The following BID variants were observed in gnomAD, a reference collection of about 807,000 sequenced individuals.
The protein encoded by BID is BH3 interacting domain death agonist, also known as BH3-interacting domain death agonist.
Under a neutral mutation model 17.4 loss-of-function variants are expected in BID, and 19 were observed. That is an observed-to-expected ratio of 1.09 (90% CI 0.76 to 1.60). The LOEUF (loss-of-function observed/expected upper bound fraction) is 1.60, where lower values mean the gene tolerates loss of function less well. Among genes scored for constraint, BID ranks in the 40% most tolerant of loss-of-function variants. The probability of loss-of-function intolerance (pLI) is 0.00; values close to 1 mark genes in which losing one functional copy is unlikely to be tolerated. For missense variants in BID, 226 were observed against 256.0 expected (o/e 0.88, Z 0.80); for synonymous variants, 108 against 102.8 (o/e 1.05, Z -0.31).
At chr22:17,744,417 G>C (rs1307260397) in intron 2 of BID, among the ~76,000 whole-genome samples, 1 of 152,258 alleles carries the variant, frequency 6.6e-6, no homozygotes, top group Non-Finnish European at 1.5e-5. Context: ...GCAGGCTTCA[G>C]CAATCTGAGC....
chr22:17,741,469 CT>C lies in BID; in HGVS notation c.224-1982del, dbSNP rs3831843. ...AGGCAAACTCAACTACTCACTGTAG[CT>C]TTTTTTTTTCTTTTTTTTTTCAAGA... On this transcript the variant is annotated intron_variant, in intron 3 of 5. Transcript: ENST00000622694. Among the ~76,000 whole-genome samples the C allele has an allele frequency of 6.8e-4, 100 of 147,802 alleles. 1 individual carries two copies. The highest frequency in any genetic ancestry group is 2.2e-3 in the African/African-American group (85 of 39,450).
At chr22:17,746,656 T>A (rs1453462803) in intron 2 of BID, among the ~76,000 whole-genome samples, 4 of 152,180 alleles carry the variant, frequency 2.6e-5, no homozygotes, top group Admixed American at 1.3e-4. Flanking sequence ...GTAATCAAGT[T>A]AAGATGAGGT....
At chr22:17,740,378 G>A in intron 3 of BID, 1 of 568,734 alleles carries the variant, frequency 1.8e-6, no homozygotes, top group Non-Finnish European at 3.2e-6. Context: ...GTTAGAGGAT[G>A]CAGTGAGCCG....
chr22:17,743,342 C>T (rs1230934310), intron 3 of BID, among the ~76,000 whole-genome samples: 1 of 152,174 alleles, frequency 6.6e-6, no homozygotes, highest in African/African-American at 2.4e-5. Flanking sequence ...AATGCCCAGA[C>T]CAACCAATCA....
intron 1 of BID, among the ~76,000 whole-genome samples, chr22:17,770,450 C>T (rs1450959678): frequency 1.3e-5 from 2 of 152,176 alleles, no homozygotes; most frequent in African/African-American, 4.8e-5. Flanking sequence ...AGCAGAAGCT[C>T]CTGGAACACC....
At chr22:17,771,248 C>G (rs2061717729) in intron 1 of BID, among the ~76,000 whole-genome samples, 1 of 152,186 alleles carries the variant, frequency 6.6e-6, no homozygotes, top group Non-Finnish European at 1.5e-5. Context: ...TATGGGCGCC[C>G]CCCACCACGC....
intron 1 of BID, among the ~76,000 whole-genome samples, chr22:17,772,846 C>G (rs2061731079): frequency 6.6e-6 from 1 of 151,098 alleles, no homozygotes; most frequent in Admixed American, 6.6e-5. Context: ...CCCCTAGAAT[C>G]CCCCATACCA....
At chr22:17,749,464 G>A (rs533162478) in intron 2 of BID, among the ~76,000 whole-genome samples, 2 of 152,286 alleles carry the variant, frequency 1.3e-5, no homozygotes, top group African/African-American at 4.8e-5. Flanking sequence ...ATGTGCCTAA[G>A]CCACCTCGCC....
Position 17,738,103 on chromosome 22 carries a change from G to T in BID, c.490C>A (p.Pro164Thr). ...LLAKKVASHTPSLLRDVFHTT... is the reference protein window; with the variant it reads ...LLAKKVASHTTSLLRDVFHTT... ...TGAAAGACATCACGGAGCAAGGACG[G>T]CGTGTGACTGGCCACCTTCTTGGCC... is the stretch of plus-strand genomic sequence containing the variant. Residue 164 changes from proline to threonine, a missense_variant, in exon 5 of 6, where the codon CCG becomes ACG. Pro to Thr is a conservative substitution (Grantham distance 38, BLOSUM62 -1). Coordinates refer to ENST00000622694, the MANE Select transcript of BID (RefSeq NM_001196.4). 2 of 1,614,174 alleles carry T rather than the reference G, an allele frequency of 1.2e-6. No homozygotes were observed. Among genetic ancestry groups the T allele is most frequent in the Non-Finnish European group, 1.7e-6 (2 of 1,180,042 alleles).
chr22:17,742,788 A>G (rs1246893525), intron 3 of BID, among the ~76,000 whole-genome samples: 1 of 152,196 alleles, frequency 6.6e-6, no homozygotes, highest in African/African-American at 2.4e-5. Context: ...TGTAATTCCA[A>G]TGTGCACACT....
intron 3 of BID, among the ~76,000 whole-genome samples, chr22:17,743,367 G>A (rs942550678): frequency 1.3e-5 from 2 of 152,202 alleles, no homozygotes; most frequent in African/African-American, 2.4e-5. Context: ...CTCTGGAGGT[G>A]AGATGCAGGC....
intron 1 of BID, among the ~76,000 whole-genome samples, chr22:17,762,730 C>T (rs1027142216): frequency 6.7e-6 from 1 of 149,542 alleles, no homozygotes; most frequent in Admixed American, 6.6e-5. Flanking sequence ...TTTAAAATTT[C>T]TCAGTTTTAA....
chr22:17,748,163 C>T (rs1342885181), intron 2 of BID, among the ~76,000 whole-genome samples: 1 of 147,776 alleles, frequency 6.8e-6, no homozygotes. Context: ...GAGCGGAGAT[C>T]ACATCACTGC....
At chr22:17,753,113 C>CCTG (rs1196004205) in intron 1 of BID, among the ~76,000 whole-genome samples, 2 of 150,570 alleles carry the variant, frequency 1.3e-5, no homozygotes, top group Admixed American at 6.7e-5. Flanking sequence ...ACTACAGGCG[C>CCTG]CCACCACCAC....
intron 1 of BID, among the ~76,000 whole-genome samples, chr22:17,758,368 A>G (rs2061609822): frequency 6.6e-6 from 1 of 152,242 alleles, no homozygotes; most frequent in African/African-American, 2.4e-5. Flanking sequence ...ATCCAGTTAT[A>G]TTTTAGTTTG....
rs1569054968 is a variant in BID at position 17,769,068 on chromosome 22, A to G, written c.-59+5313T>C. Among the ~76,000 whole-genome samples the G allele has an allele frequency of 6.6e-6, 1 of 151,694 alleles. No homozygotes were observed. Among genetic ancestry groups the G allele is most frequent in the Non-Finnish European group, 1.5e-5 (1 of 67,934 alleles). On this transcript the variant is annotated intron_variant, in intron 1 of 5. Transcript: ENST00000622694. The surrounding 1 kb of genome is among the most constrained non-coding windows in gnomAD (Gnocchi z 4.8). Reference sequence around the variant, plus strand: ...AAATAAATAAATAAATAAATAAATAAATAAATAATAACTAAATAAATAAAG... The same window carrying G: ...AAATAAATAAATAAATAAATAAATAGATAAATAATAACTAAATAAATAAAG...
intron 2 of BID, among the ~76,000 whole-genome samples, chr22:17,747,874 G>A (rs1302266289): frequency 2.0e-5 from 3 of 150,678 alleles, no homozygotes; most frequent in African/African-American, 4.9e-5. Flanking sequence ...TCAAGAGGTC[G>A]AGAACATCCT....
chr22:17,757,543 C>G (rs1273446071), intron 1 of BID, among the ~76,000 whole-genome samples: 1 of 151,482 alleles, frequency 6.6e-6, no homozygotes, highest in East Asian at 2.0e-4. Flanking sequence ...CCCGTCTCTA[C>G]TAAAAATACA....
At chr22:17,755,316 C>G (rs2061574247) in intron 1 of BID, among the ~76,000 whole-genome samples, 1 of 152,176 alleles carries the variant, frequency 6.6e-6, no homozygotes, top group South Asian at 2.1e-4. Context: ...ATGCTCCGTG[C>G]AGTGCCAAGG....
Sources: allele counts gnomAD v4.1 joint callset (sites outside exome capture counted in the v4.1 genomes callset), GRCh38; gene constraint gnomAD v4.1.1; non-coding constraint Gnocchi (gnomAD v3.1); transcripts MANE v1.5; gene names NCBI Gene and HGNC (gene_info 2026-07-23, HGNC 2026-07-21).